Variants in TRPM3 observed in about 807,000 individuals in gnomAD.
TRPM3 encodes transient receptor potential cation channel subfamily M member 3.
A neutral mutation model predicts 181.2 loss-of-function variants in TRPM3; 77 were observed. The observed-to-expected ratio is 0.42, with a 90% CI of 0.35 to 0.51. The LOEUF (loss-of-function observed/expected upper bound fraction) is 0.51. Among genes scored for constraint, TRPM3 ranks in the 20% least tolerant of loss-of-function variants. The probability of loss-of-function intolerance (pLI) is 0.01; values close to 1 mark genes in which losing one functional copy is unlikely to be tolerated. For synonymous variants in TRPM3, 745 were observed against 796.4 expected (o/e 0.94, Z 1.09); for missense variants, 1,759 against 2,196.7 (o/e 0.80, Z 3.98).
Position 70,977,283 on chromosome 9 carries a change from C to T in TRPM3, c.178-112772G>A, listed in dbSNP as rs534517194. 1.3e-4 allele frequency among the ~76,000 whole-genome samples: 20 copies of T among 152,196 alleles called. No individual in the cohort carries two copies. The East Asian group carries it at 2.9e-3, about 22-fold the overall frequency. On this transcript the variant is annotated intron_variant, in intron 1 of 25. Transcript: ENST00000677713. Reference sequence around the variant, plus strand: ...CCAAGTAGCTGGGACTACAGGCTCGCGCCACCATGCCCGGCTAATTTTTTG... The same window carrying T: ...CCAAGTAGCTGGGACTACAGGCTCGTGCCACCATGCCCGGCTAATTTTTTG...
chr9:71,161,089 C>T (rs1242473396), intron 1 of TRPM3, among the ~76,000 whole-genome samples: 3 of 152,138 alleles, frequency 2.0e-5, no homozygotes, highest in African/African-American at 7.2e-5. Context: ...CAAGCTTCTC[C>T]ATCAAATAAA....
chr9:70,684,722 G>C (rs528238441), intron 8 of TRPM3, among the ~76,000 whole-genome samples: 16 of 152,142 alleles, frequency 1.1e-4, no homozygotes, highest in Admixed American at 2.0e-4. Flanking sequence ...AGTTTTGGGA[G>C]ATGGTATGTC....
chr9:70,794,894 A>C (rs2086606839), intron 6 of TRPM3, among the ~76,000 whole-genome samples: 1 of 152,224 alleles, frequency 6.6e-6, no homozygotes, highest in South Asian at 2.1e-4. Flanking sequence ...GGCCTTCTGC[A>C]TCCGTGGGTT....
At chr9:71,074,292 T>G (rs1027528782) in intron 1 of TRPM3, among the ~76,000 whole-genome samples, 5 of 152,208 alleles carry the variant, frequency 3.3e-5, no homozygotes, top group Non-Finnish European at 5.9e-5. Context: ...ATAAACCAGT[T>G]ACTAAGGAGA....
chr9:71,006,415 A>C (rs1355085786), intron 1 of TRPM3, among the ~76,000 whole-genome samples: 2 of 152,208 alleles, frequency 1.3e-5, no homozygotes, highest in African/African-American at 2.4e-5. Context: ...GATTAAAAAA[A>C]AAACAAGACC....
At chr9:71,293,773 A>G in intron 1 of TRPM3, among the ~76,000 whole-genome samples, 1 of 151,994 alleles carries the variant, frequency 6.6e-6, no homozygotes, top group Non-Finnish European at 1.5e-5. Context: ...TTGAAAATAT[A>G]TCCCTACCAG....
At chr9:71,238,108 T>C (rs1353611287) in intron 1 of TRPM3, among the ~76,000 whole-genome samples, 1 of 152,180 alleles carries the variant, frequency 6.6e-6, no homozygotes, top group African/African-American at 2.4e-5. Context: ...CAAATCAAAG[T>C]AACACCTCTT....
intron 1 of TRPM3, among the ~76,000 whole-genome samples, chr9:71,396,237 G>T (rs1003674559): frequency 6.8e-6 from 1 of 146,424 alleles, no homozygotes; most frequent in Non-Finnish European, 1.5e-5. Context: ...CTGCTTTCAA[G>T]AACTACTGCT....
chr9:70,864,533 A>AAAAAG (rs2095601599), intron 1 of TRPM3, 22 bp from the exon 2 acceptor site: 4 of 1,465,002 alleles, frequency 2.7e-6, no homozygotes, highest in Non-Finnish European at 2.7e-6. Context: ...AACAAAAAAA[A>AAAAAG]AAAAAAAAGA....
At chr9:70,665,755 G>T (rs2061758236) in intron 9 of TRPM3, among the ~76,000 whole-genome samples, 1 of 152,118 alleles carries the variant, frequency 6.6e-6, no homozygotes, top group Non-Finnish European at 1.5e-5. Flanking sequence ...AAAAATACCT[G>T]CATTCCCCAT....
intron 14 of TRPM3, 89 bp from the exon 15 acceptor site, chr9:70,621,362 T>A: frequency 1.1e-6 from 1 of 941,532 alleles, no homozygotes. Context: ...ATTTTTTGTT[T>A]TGTTTTGTTT....
intron 1 of TRPM3, among the ~76,000 whole-genome samples, chr9:70,889,643 T>C (rs928895435): frequency 1.2e-4 from 18 of 152,290 alleles, no homozygotes; most frequent in Admixed American, 4.6e-4. Flanking sequence ...AAAAGACCAC[T>C]GGTCAATAAA....
At chr9:70,978,463 T>C (rs948804745) in intron 1 of TRPM3, among the ~76,000 whole-genome samples, 1 of 152,206 alleles carries the variant, frequency 6.6e-6, no homozygotes, top group Non-Finnish European at 1.5e-5. Flanking sequence ...CCTAGGGGTT[T>C]TTTTCTCTTC....
intron 6 of TRPM3, among the ~76,000 whole-genome samples, chr9:70,811,506 A>G (rs1192567793): frequency 6.6e-6 from 1 of 152,184 alleles, no homozygotes; most frequent in Non-Finnish European, 1.5e-5. Context: ...CAGCCTAGAT[A>G]GCTTCTGTGG....
intron 1 of TRPM3, among the ~76,000 whole-genome samples, chr9:71,204,049 A>G (rs1700782358): frequency 6.6e-6 from 1 of 151,898 alleles, no homozygotes; most frequent in Non-Finnish European, 1.5e-5. Context: ...TACACCTTAT[A>G]CAAAAATTAA....
At chr9:70,902,494 G>A (rs2096400953) in intron 1 of TRPM3, among the ~76,000 whole-genome samples, 1 of 152,162 alleles carries the variant, frequency 6.6e-6, no homozygotes, top group Non-Finnish European at 1.5e-5. Flanking sequence ...TTTGCATTTT[G>A]CAAAAGAGAC....
At chr9:70,615,412 T>G (rs1369865928) in intron 18 of TRPM3, among the ~76,000 whole-genome samples, 3 of 152,214 alleles carry the variant, frequency 2.0e-5, no homozygotes, top group African/African-American at 7.2e-5. Context: ...TATAATTATA[T>G]GAGGAAGAGC....
At chr9:71,001,512 C>A in intron 1 of TRPM3, among the ~76,000 whole-genome samples, 1 of 152,182 alleles carries the variant, frequency 6.6e-6, no homozygotes, top group East Asian at 1.9e-4. Flanking sequence ...ATGCATTCTG[C>A]ACAAGCTTGC....
intron 1 of TRPM3, among the ~76,000 whole-genome samples, chr9:71,271,676 G>A (rs2083804147): frequency 6.6e-6 from 1 of 151,908 alleles, no homozygotes; most frequent in South Asian, 2.1e-4. Flanking sequence ...CGCTGGGCCT[G>A]GCTTAATTTG....
Sources: allele counts gnomAD v4.1 joint callset (sites outside exome capture counted in the v4.1 genomes callset), GRCh38; gene constraint gnomAD v4.1.1; transcripts MANE v1.5; gene names NCBI Gene and HGNC (gene_info 2026-07-23, HGNC 2026-07-21).